The following MMP16 variants were observed in gnomAD, a reference collection of about 807,000 sequenced individuals.
MMP16 encodes matrix metallopeptidase 16, also known as matrix metalloproteinase-16.
A neutral mutation model predicts 67.8 loss-of-function variants in MMP16; 12 were observed. The observed-to-expected ratio is 0.18, with a 90% confidence interval of 0.11 to 0.29. The LOEUF is 0.29. Ranked by LOEUF, MMP16 falls within the 10% of genes least tolerant of loss-of-function variation. The pLI, the probability that MMP16 is intolerant of heterozygous loss-of-function variation, is 1.00. For synonymous variants in MMP16, 249 were observed against 255.9 expected, an observed-to-expected ratio of 0.97 and a Z score of 0.26; for missense variants, 475 against 765.7, an observed-to-expected ratio of 0.62 and a Z score of 4.48.
At chr8:88,136,707 T>G (rs1563542504) in intron 4 of MMP16, among the ~76,000 whole-genome samples, 2 of 151,778 alleles carry the variant, frequency 1.3e-5, no homozygotes, top group Admixed American at 6.6e-5. Flanking sequence ...ATATTTAATA[T>G]GAATTAAATT....
At chr8:88,290,792 G>A (rs1211018689) in intron 1 of MMP16, among the ~76,000 whole-genome samples, 1 of 152,060 alleles carries the variant, frequency 6.6e-6, no homozygotes, top group Non-Finnish European at 1.5e-5. Context: ...ACCAAATCAT[G>A]ACACCTTACT....
chr8:88,236,478 C>T (rs187525839), intron 1 of MMP16, among the ~76,000 whole-genome samples: 38 of 152,246 alleles, frequency 2.5e-4, no homozygotes, highest in Admixed American at 5.2e-4. Flanking sequence ...GCCCTAGGGC[C>T]AGGCACAGTG....
chr8:88,105,200 T>C (rs1334016968), intron 6 of MMP16, among the ~76,000 whole-genome samples: 1 of 151,194 alleles, frequency 6.6e-6, no homozygotes, highest in East Asian at 2.0e-4. Flanking sequence ...ATGACTATTG[T>C]TATTTGCTAT....
chr8:88,289,684 G>C (rs1202814623), intron 1 of MMP16, among the ~76,000 whole-genome samples: 3 of 105,096 alleles, frequency 2.9e-5, no homozygotes, highest in Non-Finnish European at 5.6e-5. Context: ...GCTACTCCTA[G>C]AGGAAACACA....
intron 8 of MMP16, among the ~76,000 whole-genome samples, chr8:88,050,340 A>T (rs1443801016): frequency 1.3e-5 from 2 of 152,232 alleles, no homozygotes; most frequent in East Asian, 3.9e-4. Context: ...AATAATAAAT[A>T]AAATTTGGAA....
In MMP16 at chr8:88,305,175, A is replaced by C. The variant is rs547888564; in HGVS notation, c.132+21900T>G. ...TTCTGACAAAACAGACTTTAAACCA[A>C]CAAAGATCAAAAAATACAAAGAAGA... is the stretch of plus-strand genomic sequence containing the variant. On this transcript the variant is annotated intron_variant, in intron 1 of 9. Coordinates refer to ENST00000286614, the MANE Select transcript of MMP16 (RefSeq NM_005941.5). 3.4e-4 allele frequency among the ~76,000 whole-genome samples: 52 copies of C among 152,346 alleles called. No homozygotes were observed. The South Asian group carries it at 0.011, about 32-fold the overall frequency.
At chr8:88,182,729 A>C (rs1384520980) in intron 3 of MMP16, among the ~76,000 whole-genome samples, 5 of 152,148 alleles carry the variant, frequency 3.3e-5, no homozygotes, top group Non-Finnish European at 7.4e-5. Context: ...TGAGTTAAAA[A>C]TTTATGCCTA....
chr8:88,134,548 G>T (rs572491960), intron 4 of MMP16, among the ~76,000 whole-genome samples: 25 of 151,292 alleles, frequency 1.7e-4, no homozygotes, highest in African/African-American at 5.8e-4. Flanking sequence ...GGGGTCTTTG[G>T]TATTATACAC....
intron 1 of MMP16, among the ~76,000 whole-genome samples, chr8:88,264,117 G>T (rs1362138820): frequency 6.6e-6 from 1 of 150,442 alleles, no homozygotes; most frequent in Non-Finnish European, 1.5e-5. Context: ...ATTACTTTAG[G>T]TCAGTGCTAG....
At chr8:88,226,876 GTATTTATTTATTTATTTATT>G (rs33911567) in intron 1 of MMP16, among the ~76,000 whole-genome samples, 2 of 148,348 alleles carry the variant, frequency 1.3e-5, no homozygotes, top group Non-Finnish European at 3.0e-5. Flanking sequence ...CAGCCTACAC[GTATTTATTTATTTATTTATT>G]TATTTATTTA....
At chr8:88,231,943 T>C (rs1227313137) in intron 1 of MMP16, among the ~76,000 whole-genome samples, 5 of 152,248 alleles carry the variant, frequency 3.3e-5, no homozygotes, top group Admixed American at 1.3e-4. Flanking sequence ...ATCAAAACAT[T>C]TGAGATTCTA....
intron 1 of MMP16, among the ~76,000 whole-genome samples, chr8:88,267,648 A>G (rs1011671202): frequency 5.3e-5 from 8 of 152,232 alleles, no homozygotes; most frequent in African/African-American, 1.9e-4. Flanking sequence ...AAATATTAAG[A>G]GTTAGTAGAA....
chr8:88,058,984 A>G lies in MMP16; in HGVS notation c.1223-2706T>C, dbSNP rs1808364302. 6.6e-6 allele frequency among the ~76,000 whole-genome samples: 1 copy of G among 152,124 alleles called. No individual in the cohort carries two copies. Among genetic ancestry groups the G allele is most frequent in the South Asian group, 2.1e-4 (1 of 4,836 alleles). On this transcript the variant is annotated intron_variant, in intron 7 of 9. Transcript: ENST00000286614. This position sits in a 1 kb window ranked among gnomAD's most constrained non-coding sequence, Gnocchi z 4.2. The stretch of plus-strand genomic sequence containing the variant: ...AAGATAATATTAAGAATGATCTTCA[A>G]GTTCTGGCTTGTGTAGATAAGTGAA...
intron 6 of MMP16, among the ~76,000 whole-genome samples, chr8:88,114,114 T>G (rs1296968670): frequency 6.6e-6 from 1 of 151,916 alleles, no homozygotes; most frequent in Non-Finnish European, 1.5e-5. Context: ...TACCCATCTT[T>G]CAGTGTTTTT....
Position 88,167,966 on chromosome 8 carries a change from T to A in MMP16, c.412A>T (p.Asn138Tyr). 6.2e-7 allele frequency: 1 copy of A among 1,603,714 alleles called. No individual in the cohort carries two copies. Among genetic ancestry groups the A allele is most frequent in the Non-Finnish European group, 8.5e-7 (1 of 1,175,072 alleles). Residue 138 changes from asparagine to tyrosine, a missense_variant, in exon 4 of 10, where the codon AAC becomes TAC. This residue lies in a region of MMP16 where 170 missense variants were observed against 239.6 expected (regional missense o/e 0.71). Transcript: ENST00000286614. ...QHKHITYSIK[N>Y]VTPKVGDPET... The stretch of plus-strand genomic sequence containing the variant: ...GGGTCTCCTACTTTTGGAGTTACGT[T>A]CTTTATACTGAAAGTTAGAAAATAT...
intron 1 of MMP16, among the ~76,000 whole-genome samples, chr8:88,296,632 G>A (rs1008435908): frequency 7.9e-5 from 12 of 151,864 alleles, no homozygotes; most frequent in African/African-American, 2.9e-4. Flanking sequence ...CCAAGAGTTC[G>A]AAACCAGGCT....
At chr8:88,196,185 T>C (rs770864189) in intron 2 of MMP16, among the ~76,000 whole-genome samples, 3 of 152,130 alleles carry the variant, frequency 2.0e-5, no homozygotes, top group Non-Finnish European at 4.4e-5. Flanking sequence ...CAGAGAAAAA[T>C]GCATGCTTGT....
intron 1 of MMP16, among the ~76,000 whole-genome samples, chr8:88,208,366 G>T (rs1809461335): frequency 6.6e-6 from 1 of 152,208 alleles, no homozygotes; most frequent in African/African-American, 2.4e-5. Flanking sequence ...ATATTGATTG[G>T]TTCCATTTAT....
At chr8:88,212,686 T>C (rs1373658562) in intron 1 of MMP16, among the ~76,000 whole-genome samples, 1 of 152,162 alleles carries the variant, frequency 6.6e-6, no homozygotes, top group Non-Finnish European at 1.5e-5. Context: ...TCCTTTGAAC[T>C]GTATCCATTC....
Sources: allele counts gnomAD v4.1 joint callset (sites outside exome capture counted in the v4.1 genomes callset), GRCh38; gene constraint gnomAD v4.1.1; regional missense constraint gnomAD v4.1.1; non-coding constraint Gnocchi (gnomAD v3.1); transcripts MANE v1.5; gene names NCBI Gene and HGNC (gene_info 2026-07-23, HGNC 2026-07-21).